The following BCKDHB variants were observed in gnomAD, a reference collection of about 807,000 sequenced individuals.
The protein encoded by BCKDHB is 2-oxoisovalerate dehydrogenase subunit beta, mitochondrial.
Under a neutral mutation model 48.5 loss-of-function variants are expected in BCKDHB, and 41 were observed. The ratio of observed to expected loss-of-function variants is 0.85; its 90% CI spans 0.66 to 1.10. The LOEUF is 1.10. BCKDHB is among the 50% of genes least tolerant of loss of function. The pLI, the probability that BCKDHB is intolerant of heterozygous loss-of-function variation, is 0.00. For missense variants in BCKDHB, 496 were observed against 494.2 expected (o/e 1.00, Z -0.03); for synonymous variants, 201 against 174.8 (o/e 1.15, Z -1.18).
At chr6:80,259,017 G>A (rs1777178063) in intron 8 of BCKDHB, among the ~76,000 whole-genome samples, 1 of 152,168 alleles carries the variant, frequency 6.6e-6, no homozygotes, top group African/African-American at 2.4e-5. Flanking sequence ...GGCATGGGGA[G>A]TGGTATCATA....
chr6:80,415,247 C>A, the BCKDHB span, among the ~76,000 whole-genome samples: 3 of 152,026 alleles, frequency 2.0e-5, no homozygotes, highest in African/African-American at 7.2e-5. Context: ...ATTTGGATGA[C>A]CTTCATTTCT....
At chr6:80,417,045 G>A in the BCKDHB span, among the ~76,000 whole-genome samples, 2 of 152,110 alleles carry the variant, frequency 1.3e-5, no homozygotes, top group African/African-American at 2.4e-5. Flanking sequence ...CCTGTGTTGG[G>A]TGCATATATA....
chr6:80,205,028 A>G (rs1481580655), intron 8 of BCKDHB, among the ~76,000 whole-genome samples: 1 of 152,044 alleles, frequency 6.6e-6, no homozygotes, highest in African/African-American at 2.4e-5. Flanking sequence ...GGATGCTTTC[A>G]TCCGGTTGTG....
chr6:80,118,247 A>G (rs1442398735), intron 1 of BCKDHB, among the ~76,000 whole-genome samples: 4 of 152,252 alleles, frequency 2.6e-5, no homozygotes. Flanking sequence ...GAATATTACA[A>G]TAAAGTGAGT....
chr6:80,149,906 C>T (rs1350434948), intron 3 of BCKDHB, among the ~76,000 whole-genome samples: 2 of 151,652 alleles, frequency 1.3e-5, no homozygotes, highest in African/African-American at 4.9e-5. Flanking sequence ...TGCAGCATAC[C>T]AGCATGGCAC....
chr6:80,225,735 A>G (rs562096562), intron 8 of BCKDHB, among the ~76,000 whole-genome samples: 1 of 152,318 alleles, frequency 6.6e-6, no homozygotes, highest in East Asian at 1.9e-4. Flanking sequence ...ATGTTTGGCC[A>G]CATTGTTAAC....
At chr6:80,462,337 C>T in the BCKDHB span, among the ~76,000 whole-genome samples, 1 of 152,100 alleles carries the variant, frequency 6.6e-6, no homozygotes, top group Non-Finnish European at 1.5e-5. Context: ...ATAGTTGGTA[C>T]ATGGTAGGCA....
rs145053414 is a variant in BCKDHB at position 80,160,493 on chromosome 6, A to G, written c.344-7185A>G. Among the ~76,000 whole-genome samples, 28 of 151,728 alleles carry G rather than the reference A, an allele frequency of 1.8e-4. No individual in the cohort carries two copies. The East Asian group carries it at 3.9e-3, about 21-fold the overall frequency. ...ATTGTTTCTCTGCCCTCTTTTCCCT[A>G]TTTTTCTGGTCTATAGTTGTGGCTG... On this transcript the variant is annotated intron_variant, in intron 3 of 9. Coordinates refer to ENST00000320393, the MANE Select transcript of BCKDHB (RefSeq NM_183050.4).
chr6:80,441,320 A>T, the BCKDHB span: 1 of 152,128 alleles, frequency 6.6e-6, no homozygotes, highest in African/African-American at 2.4e-5. Context: ...ATAGTAACCA[A>T]ATTGAACATA....
intron 3 of BCKDHB, among the ~76,000 whole-genome samples, chr6:80,142,012 T>C (rs1457266150): frequency 6.6e-6 from 1 of 152,108 alleles, no homozygotes; most frequent in Admixed American, 6.6e-5. Flanking sequence ...ACCCTAGATA[T>C]TTTAATTGTT....
chr6:80,183,259 G>A (rs970478008), intron 6 of BCKDHB, among the ~76,000 whole-genome samples: 1 of 152,084 alleles, frequency 6.6e-6, no homozygotes, highest in African/African-American at 2.4e-5. Context: ...ACTATGGAAG[G>A]ATAGGGAATC....
chr6:80,420,114 T>A, the BCKDHB span, among the ~76,000 whole-genome samples: 1 of 152,222 alleles, frequency 6.6e-6, no homozygotes, highest in Non-Finnish European at 1.5e-5. Context: ...TTAAGGTGAC[T>A]ACTTTGTATT....
intron 8 of BCKDHB, among the ~76,000 whole-genome samples, chr6:80,209,783 G>A (rs1774835052): frequency 6.6e-6 from 1 of 151,918 alleles, no homozygotes; most frequent in African/African-American, 2.4e-5. Context: ...GTTAAAAAAG[G>A]GCTGATAACA....
intron 8 of BCKDHB, among the ~76,000 whole-genome samples, chr6:80,239,468 ATTTTTTTAAGTTCTTT>A: frequency 6.6e-6 from 1 of 151,902 alleles, no homozygotes; most frequent in South Asian, 2.1e-4. Flanking sequence ...TTTCTTGTAA[ATTTTTTTAAGTTCTTT>A]GTAGATTCTG....
the BCKDHB span, among the ~76,000 whole-genome samples, chr6:80,387,987 G>A: frequency 6.6e-6 from 1 of 152,198 alleles, no homozygotes; most frequent in Non-Finnish European, 1.5e-5. Context: ...TTTCTAGGGG[G>A]TCCAGTGGTG....
intron 3 of BCKDHB, among the ~76,000 whole-genome samples, chr6:80,163,037 C>A (rs1303573771): frequency 6.6e-6 from 1 of 151,778 alleles, no homozygotes; most frequent in East Asian, 2.0e-4. Flanking sequence ...ATCCTCCCAC[C>A]TTAGCCTCCT....
At chr6:80,430,363 T>C in the BCKDHB span, among the ~76,000 whole-genome samples, 3 of 152,334 alleles carry the variant, frequency 2.0e-5, no homozygotes, top group Admixed American at 6.5e-5. Flanking sequence ...GGTATCAGGA[T>C]GATGCTGGCT....
the BCKDHB span, among the ~76,000 whole-genome samples, chr6:80,412,146 ATTTT>A: frequency 1.5e-5 from 2 of 137,076 alleles, no homozygotes; most frequent in Non-Finnish European, 3.1e-5. Flanking sequence ...CACAGTTTAC[ATTTT>A]TTTTTTTTTT....
At chr6:80,115,763 A>G (rs1406565613) in intron 1 of BCKDHB, among the ~76,000 whole-genome samples, 4 of 151,894 alleles carry the variant, frequency 2.6e-5, no homozygotes, top group Admixed American at 2.6e-4. Context: ...CAGCCTCCCA[A>G]GTAGCTGGAA....
Sources: gnomAD v4.1 joint callset for allele counts (sites outside exome capture counted in the v4.1 genomes callset) on GRCh38, gnomAD v4.1.1 for gene constraint, MANE v1.5 for transcripts, NCBI Gene and HGNC (gene_info 2026-07-23, HGNC 2026-07-21) for gene names.